ARL14EPL: variants seen among roughly 807,000 people sequenced by gnomAD.
ARL14EPL encodes ARL14 effector protein-like.
In ARL14EPL, 17 loss-of-function variants were observed where a neutral mutation model predicts 15.9. The observed-to-expected ratio is 1.07, with a 90% CI of 0.73 to 1.60. The LOEUF (loss-of-function observed/expected upper bound fraction) is 1.60, where lower values mean the gene tolerates loss of function less well. Ranked by LOEUF, ARL14EPL falls within the 40% of genes most tolerant of loss-of-function variation. ARL14EPL has a pLI of 0.00. For missense variants in ARL14EPL, 214 were observed against 185.9 expected (o/e 1.15, Z -0.88); for synonymous variants, 78 against 63.8 (o/e 1.22, Z -1.06).
rs2112685553 is a variant in ARL14EPL at position 116,059,185 on chromosome 5, A to G, written c.*238A>G. On this transcript the variant is annotated 3_prime_UTR_variant, in exon 4 of 4. Transcript: ENST00000686077. ...AGAATGTAACAATGGAGGGATCAGC[A>G]TTTCTCATCAGCACCCTCATCTCTA... 2.0e-6 allele frequency: 1 copy of G among 500,312 alleles called. No individual in the cohort carries two copies. The highest frequency in any genetic ancestry group is 5.4e-4 in the Middle Eastern group (1 of 1,838). 31.0% of individuals were successfully genotyped at this position (500,312 alleles called of 1,614,324 possible).
chr5:116,054,763 G>A (rs916534857), intron 3 of ARL14EPL, among the ~76,000 whole-genome samples: 18 of 152,068 alleles, frequency 1.2e-4, no homozygotes, highest in African/African-American at 3.9e-4. Context: ...CCCAGGAGGC[G>A]GAGGTTGCAG....
chr5:116,040,129 T>C (rs1749121700), intron 1 of ARL14EPL, among the ~76,000 whole-genome samples: 1 of 152,186 alleles, frequency 6.6e-6, no homozygotes, highest in East Asian at 1.9e-4. Flanking sequence ...GCTAAATTTT[T>C]GCGAAGATCT....
intron 1 of ARL14EPL, among the ~76,000 whole-genome samples, chr5:116,034,861 AAAAAC>A (rs1749020788): frequency 6.6e-6 from 1 of 152,224 alleles, no homozygotes; most frequent in African/African-American, 2.4e-5. Flanking sequence ...AGAGAAGTGA[AAAAAC>A]AAAAGAAGAA....
chr5:116,041,347 TGGCATATAA>T (rs1277004945), intron 1 of ARL14EPL, among the ~76,000 whole-genome samples: 1 of 152,248 alleles, frequency 6.6e-6, no homozygotes, highest in Non-Finnish European at 1.5e-5. Flanking sequence ...ATTTATTTAC[TGGCATATAA>T]GGCATGCCAG....
intron 1 of ARL14EPL, among the ~76,000 whole-genome samples, chr5:116,034,819 T>G (rs1749019846): frequency 6.6e-6 from 1 of 152,098 alleles, no homozygotes; most frequent in African/African-American, 2.4e-5. Flanking sequence ...AGCAAAGAGA[T>G]TTCAATGTTA....
intron 1 of ARL14EPL, 124 bp from the exon 2 acceptor site, chr5:116,051,333 G>A (rs561106577): frequency 4.7e-5 from 31 of 661,370 alleles, no homozygotes; most frequent in Admixed American, 2.5e-4. Flanking sequence ...GGTTCTGGGA[G>A]TACAGATACA....
intron 3 of ARL14EPL, among the ~76,000 whole-genome samples, 189 bp from the exon 4 acceptor site, chr5:116,058,536 C>T (rs958661303): frequency 3.3e-5 from 5 of 152,128 alleles, no homozygotes; most frequent in Admixed American, 2.0e-4. Context: ...ACGTCACTGC[C>T]GTACAATATT....
chr5:116,053,250 G>C (rs1749433622), intron 2 of ARL14EPL, among the ~76,000 whole-genome samples: 1 of 151,866 alleles, frequency 6.6e-6, no homozygotes, highest in Non-Finnish European at 1.5e-5. Flanking sequence ...TACATGGGAG[G>C]CTGAGGTGGG....
intron 1 of ARL14EPL, among the ~76,000 whole-genome samples, chr5:116,049,138 C>G (rs1749324890): frequency 6.6e-6 from 1 of 152,132 alleles, no homozygotes; most frequent in African/African-American, 2.4e-5. Context: ...CAGGGACCAT[C>G]TATATGGGCA....
chr5:116,058,845 G>A lies in ARL14EPL; in HGVS notation c.357G>A (p.Lys119=), dbSNP rs912150714. ...FYPCPKCNSN[K]CGPECRCNRR... ...CATGCCCGAAGTGTAACTCCAACAA[G>A]TGTGGGCCCGAGTGCCGCTGCAACC... Residue 119 remains lysine, a synonymous_variant, in exon 4 of 4, where the codon AAG becomes AAA. Transcript: ENST00000686077. The A allele has an allele frequency of 2.0e-6, 3 of 1,536,002 alleles. No individual in the cohort carries two copies. The highest frequency in any genetic ancestry group is 2.6e-6 in the Non-Finnish European group (3 of 1,146,908).
At chr5:116,046,326 A>T (rs781070579) in intron 1 of ARL14EPL, among the ~76,000 whole-genome samples, 1 of 152,220 alleles carries the variant, frequency 6.6e-6, no homozygotes, top group African/African-American at 2.4e-5. Flanking sequence ...ATAATTTGCT[A>T]GTGTCCATAG....
At chr5:116,058,642 TATG>T in intron 3 of ARL14EPL, 80 bp from the exon 4 acceptor site, 6 of 1,305,750 alleles carry the variant, frequency 4.6e-6, no homozygotes, top group Non-Finnish European at 6.3e-6. Context: ...TGGTCATGTG[TATG>T]ATGTTGATTG....
intron 3 of ARL14EPL, among the ~76,000 whole-genome samples, chr5:116,055,888 A>G (rs1357033405): frequency 6.6e-6 from 1 of 152,128 alleles, no homozygotes; most frequent in African/African-American, 2.4e-5. Flanking sequence ...GTGAGTGAGA[A>G]CATGCGGTGT....
chr5:116,049,194 C>A (rs1749326252), intron 1 of ARL14EPL, among the ~76,000 whole-genome samples: 1 of 152,124 alleles, frequency 6.6e-6, no homozygotes, highest in Non-Finnish European at 1.5e-5. Context: ...AAAATTATAC[C>A]TACTTTTCCT....
In ARL14EPL at chr5:116,059,155, A is replaced by G; in HGVS notation, c.*208A>G. 3.5e-6 allele frequency: 2 copies of G among 575,392 alleles called. No homozygotes were observed. Among genetic ancestry groups the G allele is most frequent in the Non-Finnish European group, 6.1e-6 (2 of 325,264 alleles). The allele number at this position is 575,392 out of a possible 1,614,324, so 35.6% of individuals were successfully genotyped here. A position where few individuals can be genotyped will look rare whatever the true frequency, so the allele number is the denominator to read the frequency against. On this transcript the variant is annotated 3_prime_UTR_variant, in exon 4 of 4. Transcript: ENST00000686077. ...CAATTTTCAAGTCCCTTAACTTGCA[A>G]CCAAAGAATGTAACAATGGAGGGAT...
At chr5:116,039,978 C>T (rs1226602898) in intron 1 of ARL14EPL, among the ~76,000 whole-genome samples, 1 of 152,142 alleles carries the variant, frequency 6.6e-6, no homozygotes, top group Non-Finnish European at 1.5e-5. Flanking sequence ...TCCTTCTTAA[C>T]AAATATGTTT....
At chr5:116,053,173 C>A (rs1749430602) in intron 2 of ARL14EPL, among the ~76,000 whole-genome samples, 1 of 152,020 alleles carries the variant, frequency 6.6e-6, no homozygotes, top group African/African-American at 2.4e-5. Context: ...CATGGTGAAA[C>A]CCCATCTCTA....
intron 3 of ARL14EPL, among the ~76,000 whole-genome samples, chr5:116,055,807 C>A (rs1407700859): frequency 6.6e-6 from 1 of 152,104 alleles, no homozygotes; most frequent in Non-Finnish European, 1.5e-5. Flanking sequence ...CTCCCCCAAC[C>A]CCACAACAGG....
Position 116,058,967 on chromosome 5 carries a change from G to A in ARL14EPL, c.*20G>A. ...GACTAGGTGCTCTTGTATATGGACT[G>A]ATTTGTTTCTTCTTCTTACACATTT... is the stretch of plus-strand genomic sequence containing the variant. On this transcript the variant is annotated 3_prime_UTR_variant, in exon 4 of 4. Coordinates refer to ENST00000686077, the MANE Select transcript of ARL14EPL (RefSeq NM_001195581.2). 5 of 1,526,056 alleles carry A rather than the reference G, an allele frequency of 3.3e-6. No homozygotes were observed. Among genetic ancestry groups the A allele is most frequent in the Non-Finnish European group, 4.4e-6 (5 of 1,138,180 alleles). The allele number at this position is 1,526,056 out of a possible 1,614,324, so 94.5% of individuals were successfully genotyped here.
Sources: gnomAD v4.1 joint callset for allele counts (sites outside exome capture counted in the v4.1 genomes callset) on GRCh38, gnomAD v4.1.1 for gene constraint, MANE v1.5 for transcripts, NCBI Gene and HGNC (gene_info 2026-07-23, HGNC 2026-07-21) for gene names.